ALG9: variants seen among roughly 807,000 people sequenced by gnomAD.
ALG9 encodes alpha-1,2-mannosyltransferase ALG9.
A neutral mutation model predicts 81.8 loss-of-function variants in ALG9; 55 were observed. The observed-to-expected ratio is 0.67, with a 90% CI of 0.54 to 0.84. The LOEUF is 0.84. Among genes scored for constraint, ALG9 ranks in the 40% least tolerant of loss-of-function variants. ALG9 has a pLI of 0.00. For synonymous variants in ALG9, 278 were observed against 274.3 expected, an observed-to-expected ratio of 1.01 and a Z score of -0.13; for missense variants, 629 against 745.0, an observed-to-expected ratio of 0.84 and a Z score of 1.81.
intron 14 of ALG9, among the ~76,000 whole-genome samples, chr11:111,802,145 G>A (rs572771204): frequency 4.6e-5 from 7 of 152,104 alleles, no homozygotes; most frequent in East Asian, 1.9e-4. Context: ...TTAAGGTCAC[G>A]GTTACTCATT....
chr11:111,822,143 A>G (rs530278362), intron 13 of ALG9, among the ~76,000 whole-genome samples: 3 of 152,326 alleles, frequency 2.0e-5, no homozygotes, highest in African/African-American at 7.2e-5. Flanking sequence ...CCAGTGGCTC[A>G]AACCTGTAAA....
At chr11:111,821,698 C>T (rs536720738) in intron 13 of ALG9, among the ~76,000 whole-genome samples, 2 of 151,886 alleles carry the variant, frequency 1.3e-5, no homozygotes, top group African/African-American at 2.4e-5. Context: ...TACAGTGGCA[C>T]GATCTCGGCT....
chr11:111,842,648 TC>T (rs1555125073), intron 9 of ALG9, among the ~76,000 whole-genome samples: 1 of 152,032 alleles, frequency 6.6e-6, no homozygotes, highest in Non-Finnish European at 1.5e-5. Flanking sequence ...GGTCTTGAAC[TC>T]CTGGGTTCAA....
chr11:111,781,672 A>G (rs1201412596), downstream of ALG9, among the ~76,000 whole-genome samples: 4 of 151,612 alleles, frequency 2.6e-5, no homozygotes, highest in Non-Finnish European at 5.9e-5. Context: ...TTTTAGATGG[A>G]GTCTCACTCT....
At chr11:111,787,055 T>A (rs1946578254) in intron 14 of ALG9, among the ~76,000 whole-genome samples, 1 of 152,172 alleles carries the variant, frequency 6.6e-6, no homozygotes, top group African/African-American at 2.4e-5. Context: ...TTATAATATA[T>A]CTACTTATTA....
chr11:111,870,058 G>A (rs1555156858), intron 2 of ALG9, among the ~76,000 whole-genome samples, 174 bp downstream of exon 2: 3 of 150,456 alleles, frequency 2.0e-5, no homozygotes, highest in Non-Finnish European at 3.0e-5. Flanking sequence ...GCAATTCACC[G>A]GCCTCAGCCT....
intron 6 of ALG9, 48 bp from the exon 7 acceptor site, chr11:111,853,784 G>T: frequency 1.3e-6 from 2 of 1,487,258 alleles, no homozygotes; most frequent in South Asian, 1.1e-5. Flanking sequence ...TACTGACAGA[G>T]ACAAATCAGA....
intron 13 of ALG9, among the ~76,000 whole-genome samples, chr11:111,813,531 G>A (rs1330373983): frequency 6.6e-6 from 1 of 152,098 alleles, no homozygotes; most frequent in African/African-American, 2.4e-5. Context: ...GAGCCCAGGA[G>A]GTAGAGGTTG....
chr11:111,786,589 TTAAAA>T, intron 14 of ALG9, 69 bp from the exon 15 acceptor site: 5 of 1,518,094 alleles, frequency 3.3e-6, no homozygotes, highest in Non-Finnish European at 3.6e-6. Flanking sequence ...CTAAATGTGA[TTAAAA>T]TAAATAAACT....
intron 1 of ALG9, chr11:111,871,086 T>C: frequency 8.3e-7 from 1 of 1,205,200 alleles, no homozygotes; most frequent in Non-Finnish European, 1.0e-6. Context: ...CCACAGAGGC[T>C]GTGCCCACTC....
At position 111,783,359 on chromosome 11, in the gene ALG9, G is replaced by A. The variant is rs1475691402; in HGVS notation, c.*3038C>T. On this transcript the variant is annotated 3_prime_UTR_variant, in exon 15 of 15. Transcript: ENST00000616540. ...TGTAATCCCAGCTACTCAGGAGGCT[G>A]AAGCAGGAGAATTGCTTGAACCCGG... 2 of 152,406 alleles carry A rather than the reference G, an allele frequency of 1.3e-5. No homozygotes were observed. The highest frequency in any genetic ancestry group is 1.5e-5 in the Non-Finnish European group (1 of 68,264). The allele number at this position is 152,406 out of a possible 1,614,324, so 9.4% of individuals were successfully genotyped here.
At chr11:111,865,354 G>T in intron 3 of ALG9, 103 bp from the exon 4 acceptor site, 1 of 880,624 alleles carries the variant, frequency 1.1e-6, no homozygotes, top group Non-Finnish European at 1.7e-6. Flanking sequence ...CTGTAAATTG[G>T]TATAATTCTT....
intron 10 of ALG9, among the ~76,000 whole-genome samples, chr11:111,839,603 G>GT (rs1436741007): frequency 1.0e-4 from 9 of 87,404 alleles, no homozygotes; most frequent in South Asian, 5.8e-4. Flanking sequence ...AAAAAAAAAG[G>GT]GGGGGGGGGA....
At chr11:111,805,283 G>T (rs943676083) in intron 14 of ALG9, 10 of 456,148 alleles carry the variant, frequency 2.2e-5, no homozygotes, top group East Asian at 1.4e-4. Flanking sequence ...TGACTATACT[G>T]GCATCGTGAT....
intron 14 of ALG9, among the ~76,000 whole-genome samples, chr11:111,787,987 C>A (rs1018254417): frequency 6.6e-6 from 1 of 152,088 alleles, no homozygotes; most frequent in African/African-American, 2.4e-5. Flanking sequence ...AATAGACTAA[C>A]AGGATTTATC....
At position 111,818,330 on chromosome 11, in the gene ALG9, C is replaced by A. The variant is rs782483185; in HGVS notation, c.1603-8557G>T. Among the ~76,000 whole-genome samples the A allele has an allele frequency of 1.6e-4, 24 of 152,260 alleles. 2 individuals are homozygous for A. The South Asian group carries it at 5.0e-3, about 32-fold the overall frequency. ...CATCATAGAGTGTATTTACACAGAG[C>A]TAGACAGTATAGCCTATGACACACC... is the stretch of plus-strand genomic sequence containing the variant. On this transcript the variant is annotated intron_variant, in intron 13 of 14. Coordinates refer to ENST00000616540, the MANE Select transcript of ALG9 (RefSeq NM_024740.2).
chr11:111,837,777 T>C (rs1473420134), intron 11 of ALG9, among the ~76,000 whole-genome samples, 162 bp from the exon 12 acceptor site: 3 of 152,202 alleles, frequency 2.0e-5, no homozygotes, highest in Non-Finnish European at 4.4e-5. Context: ...GTATAAAATG[T>C]CTCTCTAGCT....
intron 14 of ALG9, among the ~76,000 whole-genome samples, chr11:111,800,202 C>T (rs1391758926): frequency 1.3e-5 from 2 of 152,144 alleles, no homozygotes; most frequent in South Asian, 2.1e-4. Context: ...AACTCTAGGC[C>T]GGGTGTGGTG....
At chr11:111,779,209 G>A (rs1945792148), downstream of ALG9, among the ~76,000 whole-genome samples, 1 of 152,066 alleles carries the variant, frequency 6.6e-6, no homozygotes, top group South Asian at 2.1e-4. Flanking sequence ...TCAGCAGTGG[G>A]TACCAGGCTG....
Sources: allele counts gnomAD v4.1 joint callset (sites outside exome capture counted in the v4.1 genomes callset), GRCh38; gene constraint gnomAD v4.1.1; transcripts MANE v1.5; gene names NCBI Gene and HGNC (gene_info 2026-07-23, HGNC 2026-07-21).